Variants in RTKN2 observed in about 807,000 individuals in gnomAD.
RTKN2 encodes the protein rhotekin 2.
A neutral mutation model predicts 71.5 loss-of-function variants in RTKN2; 69 were observed. The ratio of observed to expected loss-of-function variants is 0.96; its 90% CI spans 0.79 to 1.18. The LOEUF (loss-of-function observed/expected upper bound fraction) is 1.18. RTKN2 is among the 50% of genes most tolerant of loss of function. The probability of loss-of-function intolerance (pLI) is 0.00; values close to 1 mark genes in which losing one functional copy is unlikely to be tolerated. For missense variants in RTKN2, 724 were observed against 719.7 expected, an observed-to-expected ratio of 1.01 and a Z score of -0.07; for synonymous variants, 236 against 236.5, an observed-to-expected ratio of 1.00 and a Z score of 0.02.
downstream of RTKN2, among the ~76,000 whole-genome samples, chr10:62,193,005 T>C (rs1564494609): frequency 2.0e-5 from 3 of 152,184 alleles, no homozygotes. Flanking sequence ...AAACACACAT[T>C]TTAATATTTG....
At chr10:62,203,519 A>T (rs1841488939) in intron 10 of RTKN2, among the ~76,000 whole-genome samples, 1 of 151,870 alleles carries the variant, frequency 6.6e-6, no homozygotes, top group South Asian at 2.1e-4. Flanking sequence ...TAATTTTTGT[A>T]TTTTTAGTAG....
chr10:62,194,415 C>G lies in RTKN2; in HGVS notation c.*3493G>C. ...GTCAACTTTACATTATAATTTAAGA[C>G]TAACAGTGAAGATGGCTACTAGAAT... On this transcript the variant is annotated 3_prime_UTR_variant, in exon 12 of 12. Transcript: ENST00000373789. 1.0e-6 allele frequency: 1 copy of G among 980,220 alleles called. No homozygotes were observed. The highest frequency in any genetic ancestry group is 6.1e-5 in the Admixed American group (1 of 16,274). 60.7% of individuals were successfully genotyped at this position (980,220 alleles called of 1,614,324 possible).
intron 3 of RTKN2, among the ~76,000 whole-genome samples, chr10:62,245,683 CAAAA>C: frequency 6.6e-6 from 1 of 152,096 alleles, no homozygotes; most frequent in South Asian, 2.1e-4. Context: ...GGAACAGAGT[CAAAA>C]GACTTGGGTT....
intron 11 of RTKN2, among the ~76,000 whole-genome samples, chr10:62,198,747 C>A (rs190985858): frequency 1.3e-5 from 2 of 151,998 alleles, no homozygotes; most frequent in African/African-American, 2.4e-5. Context: ...TTAGCAAAAT[C>A]CATCTTTCAA....
At chr10:62,239,508 T>A in intron 5 of RTKN2, 140 bp downstream of exon 5, 1 of 468,708 alleles carries the variant, frequency 2.1e-6, no homozygotes, top group Non-Finnish European at 3.8e-6. Flanking sequence ...CAAAATGATT[T>A]TTAAAATCAT....
At chr10:62,213,545 G>A (rs1564505701) in intron 9 of RTKN2, among the ~76,000 whole-genome samples, 1 of 152,100 alleles carries the variant, frequency 6.6e-6, no homozygotes, top group East Asian at 1.9e-4. Flanking sequence ...AATATGGACT[G>A]AATATTAGGT....
chr10:62,214,154 T>C (rs1394696548), intron 9 of RTKN2, among the ~76,000 whole-genome samples: 1 of 151,908 alleles, frequency 6.6e-6, no homozygotes, highest in East Asian at 1.9e-4. Flanking sequence ...AGTTTCATCT[T>C]TGAGATTAAC....
At chr10:62,244,784 A>T (rs1163246414) in intron 3 of RTKN2, among the ~76,000 whole-genome samples, 1 of 152,158 alleles carries the variant, frequency 6.6e-6, no homozygotes, top group Admixed American at 6.5e-5. Context: ...CAAGCAACAA[A>T]TTTTTACATA....
chr10:62,221,329 C>T (rs1841901400), intron 7 of RTKN2, among the ~76,000 whole-genome samples: 1 of 151,734 alleles, frequency 6.6e-6, no homozygotes, highest in South Asian at 2.1e-4. Flanking sequence ...AACCTTAATT[C>T]AAACAAGGAA....
At chr10:62,200,479 C>T (rs1374246890) in intron 10 of RTKN2, among the ~76,000 whole-genome samples, 1 of 148,734 alleles carries the variant, frequency 6.7e-6, no homozygotes, top group Non-Finnish European at 1.5e-5. Flanking sequence ...TGGTTAATAA[C>T]TACTTTAAAA....
chr10:62,268,502 G>A (rs973744494), intron 1 of RTKN2, 49 bp downstream of exon 1: 2 of 1,519,132 alleles, frequency 1.3e-6, no homozygotes, highest in African/African-American at 2.8e-5. Context: ...GCGAGGAACA[G>A]AACCCCGGCT....
intron 6 of RTKN2, among the ~76,000 whole-genome samples, chr10:62,229,199 GTAAATTATGT>G (rs1486114834): frequency 1.3e-5 from 2 of 152,212 alleles, no homozygotes; most frequent in Non-Finnish European, 2.9e-5. Flanking sequence ...GGATAAAACA[GTAAATTATGT>G]ATTCTAAGCT....
At chr10:62,266,516 T>C (rs1249167894) in intron 1 of RTKN2, among the ~76,000 whole-genome samples, 1 of 149,806 alleles carries the variant, frequency 6.7e-6, no homozygotes. Flanking sequence ...GTCTGGAAAT[T>C]GTTAACAGCG....
chr10:62,246,926 A>AG, intron 2 of RTKN2, among the ~76,000 whole-genome samples: 1 of 152,038 alleles, frequency 6.6e-6, no homozygotes, highest in South Asian at 2.1e-4. Flanking sequence ...TTTCCCTAAT[A>AG]TCCTATTTTC....
At chr10:62,261,634 GA>G (rs1589387789) in intron 2 of RTKN2, among the ~76,000 whole-genome samples, 3 of 152,168 alleles carry the variant, frequency 2.0e-5, no homozygotes, top group African/African-American at 7.2e-5. Flanking sequence ...CTGGGTGACA[GA>G]GCGAGACTCT....
chr10:62,230,274 C>T (rs572845409), intron 6 of RTKN2, among the ~76,000 whole-genome samples: 80 of 152,196 alleles, frequency 5.3e-4, no homozygotes, highest in African/African-American at 1.9e-3. Context: ...TGCGTTCAAG[C>T]GATTCTCCTG....
Position 62,198,219 on chromosome 10 carries a change from G to A in RTKN2, c.1519C>T (p.Pro507Ser). The change falls in exon 12 of 12, where the codon CCT becomes TCT. Residue 507 changes from proline to serine, a missense_variant. By Grantham distance (74) the Pro-to-Ser change is moderately conservative. Coordinates refer to ENST00000373789, the MANE Select transcript of RTKN2 (RefSeq NM_145307.4). ...CTGAATGGAAGTTTATCAGAAGGAG[G>A]AAGGGGAGCTTGTCTCTTTTTCCCT... ...EKGKKRQAPLPPSDKLPFSLK... is the reference protein window; with the variant it reads ...EKGKKRQAPLSPSDKLPFSLK... 2 of 1,614,032 alleles carry A rather than the reference G, an allele frequency of 1.2e-6. No individual in the cohort carries two copies. Among genetic ancestry groups the A allele is most frequent in the Non-Finnish European group, 1.7e-6 (2 of 1,179,962 alleles).
At chr10:62,234,352 C>T (rs1842211513) in intron 6 of RTKN2, among the ~76,000 whole-genome samples, 1 of 151,930 alleles carries the variant, frequency 6.6e-6, no homozygotes, top group Non-Finnish European at 1.5e-5. Flanking sequence ...TGGTGAAACC[C>T]TATCTCTACA....
intron 6 of RTKN2, among the ~76,000 whole-genome samples, chr10:62,235,354 A>C (rs1353279951): frequency 4.6e-5 from 7 of 152,174 alleles, no homozygotes; most frequent in Non-Finnish European, 1.0e-4. Context: ...TATTTTCTAT[A>C]AGAATAAAGC....
Sources: allele counts gnomAD v4.1 joint callset (sites outside exome capture counted in the v4.1 genomes callset), GRCh38; gene constraint gnomAD v4.1.1; transcripts MANE v1.5; gene names NCBI Gene and HGNC (gene_info 2026-07-23, HGNC 2026-07-21).